ZNF730: variants seen among roughly 807,000 people sequenced by gnomAD.
ZNF730 encodes putative zinc finger protein 730.
ZNF730 carries 12 observed loss-of-function variants against 12.6 expected under a neutral mutation model. The ratio of observed to expected loss-of-function variants is 0.95; its 90% CI spans 0.61 to 1.54. ZNF730 has a LOEUF of 1.54. Among genes scored for constraint, ZNF730 ranks in the 40% most tolerant of loss-of-function variants. The pLI, the probability that ZNF730 is intolerant of heterozygous loss-of-function variation, is 0.00. For synonymous variants in ZNF730, 194 were observed against 195.8 expected (o/e 0.99, Z 0.08); for missense variants, 643 against 583.5 (o/e 1.10, Z -1.05).
intron 3 of ZNF730, among the ~76,000 whole-genome samples, chr19:23,142,804 T>C (rs1970942874): frequency 6.6e-6 from 1 of 152,164 alleles, no homozygotes; most frequent in African/African-American, 2.4e-5. Context: ...GATTCTTGCA[T>C]TTTTGTCCCT....
chr19:23,116,573 C>CTTTTTTTTTTTTT (rs5827552), upstream of ZNF730, among the ~76,000 whole-genome samples: 11 of 86,898 alleles, frequency 1.3e-4, no homozygotes, highest in East Asian at 3.8e-4. Context: ...CTCCCAGCTA[C>CTTTTTTTTTTTTT]TTTTTTTTTT....
intron 1 of ZNF730, among the ~76,000 whole-genome samples, chr19:23,102,658 G>T (rs1268310874): frequency 1.3e-4 from 20 of 151,882 alleles, no homozygotes; most frequent in Non-Finnish European, 2.2e-4. Flanking sequence ...ACCAATCCCG[G>T]CTAATTTTTG....
Position 23,117,111 on chromosome 19 carries a change from C to T in ZNF730, c.-63C>T, listed in dbSNP as rs558112802. ...ACGTAGAAGCCCAGCCTGTGTGGCC[C>T]TGCGACCTGCGGGTATTGGGAGATC... On this transcript the variant is annotated 5_prime_UTR_variant, in exon 1 of 4. Transcript: ENST00000597761. 2.5e-6 allele frequency: 4 copies of T among 1,612,676 alleles called. No individual in the cohort carries two copies. The African/African-American group carries it at 4.0e-5, about 16-fold the overall frequency.
At chr19:23,075,846 C>T (rs180886783) in intron 1 of ZNF730, among the ~76,000 whole-genome samples, 8 of 152,124 alleles carry the variant, frequency 5.3e-5, no homozygotes, top group Non-Finnish European at 1.2e-4. Flanking sequence ...TCAAGCCTCC[C>T]AAAGTGCCGG....
At chr19:23,116,227 A>G (rs1970517785), upstream of ZNF730, among the ~76,000 whole-genome samples, 1 of 152,206 alleles carries the variant, frequency 6.6e-6, no homozygotes. Context: ...TGGCCCCATC[A>G]TCCTTTGTTC....
At chr19:23,107,054 C>T (rs1259577723) in intron 1 of ZNF730, among the ~76,000 whole-genome samples, 4 of 144,550 alleles carry the variant, frequency 2.8e-5, no homozygotes, top group Non-Finnish European at 6.0e-5. Flanking sequence ...GATGCTGGAC[C>T]GGAGTTGCGC....
upstream of ZNF730, among the ~76,000 whole-genome samples, chr19:23,115,811 G>A (rs1264633388): frequency 6.6e-6 from 1 of 152,204 alleles, no homozygotes; most frequent in Non-Finnish European, 1.5e-5. Context: ...CAGCCTAAAT[G>A]GCTGACCATC....
intron 3 of ZNF730, among the ~76,000 whole-genome samples, chr19:23,140,855 G>A (rs1301607052): frequency 1.3e-5 from 2 of 151,880 alleles, no homozygotes; most frequent in Non-Finnish European, 2.9e-5. Context: ...GGGAGGCTGA[G>A]GCAGGAGAAT....
rs556123915 is a variant in ZNF730 at position 23,085,836 on chromosome 19, C to CTTTTTTTTT, written c.-94+10468_-94+10476dup. On this transcript the variant is annotated intron_variant, in intron 1 of 2. Transcript: ENST00000593635. ...GACCTATTTCACCCAATTTTTTTTTCTTTTTTTTTTTTTTTTTTTTTTTTT... is the reference window on the plus strand; with the variant it reads ...GACCTATTTCACCCAATTTTTTTTTCTTTTTTTTTTTTTTTTTTTTTTTTTTTTTTTTTT... 1.2e-3 allele frequency among the ~76,000 whole-genome samples: 68 copies of CTTTTTTTTT among 54,854 alleles called. 12 individuals carry two copies. The highest frequency in any genetic ancestry group is 2.5e-3 in the South Asian group (3 of 1,200). 36.0% of individuals were successfully genotyped at this position (54,854 alleles called of 152,430 possible).
intron 1 of ZNF730, 116 bp downstream of exon 1, chr19:23,117,292 A>G: frequency 6.3e-7 from 1 of 1,580,658 alleles, no homozygotes; most frequent in Non-Finnish European, 8.7e-7. Flanking sequence ...CTGCGCCCAG[A>G]GTTCTTGCCC....
intron 1 of ZNF730, chr19:23,095,607 T>G (rs1970235966): frequency 5.1e-6 from 2 of 394,968 alleles, no homozygotes; most frequent in Non-Finnish European, 8.9e-6. Context: ...CATCATTCTT[T>G]AGTTTTGGCA....
chr19:23,120,788 G>A (rs1203885090), intron 1 of ZNF730, among the ~76,000 whole-genome samples: 1 of 151,984 alleles, frequency 6.6e-6, no homozygotes, highest in Non-Finnish European at 1.5e-5. Context: ...ATGATGTTAG[G>A]TTGTTATATT....
intron 3 of ZNF730, among the ~76,000 whole-genome samples, chr19:23,141,407 A>AG (rs1970917880): frequency 6.6e-6 from 1 of 151,340 alleles, no homozygotes; most frequent in Non-Finnish European, 1.5e-5. Flanking sequence ...AAAAAAAAAA[A>AG]CAATTTTAAA....
chr19:23,126,829 T>G, intron 1 of ZNF730: 1 of 540,180 alleles, frequency 1.9e-6, no homozygotes, highest in Non-Finnish European at 3.7e-6. Context: ...AGTGCTATAT[T>G]AGCATTTTCA....
At chr19:23,126,637 G>A in intron 1 of ZNF730, 1 of 500,280 alleles carries the variant, frequency 2.0e-6, no homozygotes, top group Non-Finnish European at 3.9e-6. Context: ...GCATGCTTCA[G>A]TTCTAACTCT....
At chr19:23,128,283 AG>A (rs1407817801) in intron 1 of ZNF730, 1 of 687,668 alleles carries the variant, frequency 1.5e-6, no homozygotes, top group Non-Finnish European at 2.7e-6. Context: ...AGAATGTTGC[AG>A]ATTACATGCA....
chr19:23,083,635 G>C (rs1043025074), intron 1 of ZNF730, among the ~76,000 whole-genome samples: 3 of 150,950 alleles, frequency 2.0e-5, no homozygotes, highest in African/African-American at 7.3e-5. Context: ...ATAGCGTTAG[G>C]TTGTATATTA....
intron 1 of ZNF730, among the ~76,000 whole-genome samples, chr19:23,083,065 T>C (rs546711025): frequency 2.2e-4 from 33 of 152,302 alleles, no homozygotes; most frequent in African/African-American, 7.9e-4. Context: ...CTTTTATAAA[T>C]AGTGCTGCAA....
chr19:23,108,980 C>T (rs529315476), intron 1 of ZNF730, among the ~76,000 whole-genome samples: 2 of 152,252 alleles, frequency 1.3e-5, no homozygotes, highest in East Asian at 3.9e-4. Flanking sequence ...GAACTCCTAA[C>T]TTCAGGTGAT....
Sources: allele counts gnomAD v4.1 joint callset (sites outside exome capture counted in the v4.1 genomes callset), GRCh38; gene constraint gnomAD v4.1.1; transcripts MANE v1.5; gene names NCBI Gene and HGNC (gene_info 2026-07-23, HGNC 2026-07-21).